The following PRDX3 variants were observed in gnomAD, a reference collection of about 807,000 sequenced individuals.
PRDX3 encodes thioredoxin-dependent peroxide reductase, mitochondrial.
Under a neutral mutation model 30.4 loss-of-function variants are expected in PRDX3, and 20 were observed. That is an observed-to-expected ratio of 0.66 (90% confidence interval 0.46 to 0.96). The LOEUF (loss-of-function observed/expected upper bound fraction) is 0.96. PRDX3 is among the 40% of genes least tolerant of loss of function. PRDX3 has a pLI of 0.00. For missense variants in PRDX3, 322 were observed against 318.3 expected, an observed-to-expected ratio of 1.01 and a Z score of -0.09; for synonymous variants, 124 against 117.8, an observed-to-expected ratio of 1.05 and a Z score of -0.34.
rs372470152 is a variant in PRDX3 at position 119,178,771 on chromosome 10, C to A, written c.20G>T (p.Arg7Leu). The change falls in exon 1 of 7, where the codon CGG (arginine) becomes CTG (leucine). Residue 7 changes from arginine to leucine, a missense_variant. Transcript: ENST00000298510. ...GCCACTCACCGACGCTCGGAGCAAC[C>A]GTCCTACAGCAGCCGCCATCTTCAG... MAAAVGRLLRASVARHV... is the reference protein window; with the variant it reads MAAAVGLLLRASVARHV... 2.6e-6 allele frequency: 4 copies of A among 1,552,920 alleles called. No homozygotes were observed. Among genetic ancestry groups the A allele is most frequent in the Non-Finnish European group, 3.5e-6 (4 of 1,148,254 alleles).
In PRDX3 at chr10:119,173,806, GT is replaced by G; in HGVS notation, c.377del (p.Asn126ThrfsTer19). 6.2e-7 allele frequency: 1 copy of G among 1,612,578 alleles called. No homozygotes were observed. Among genetic ancestry groups the G allele is most frequent in the South Asian group, 1.1e-5 (1 of 91,004 alleles). Reference protein sequence around the residue: ...SDKANEFHDVNCEVVAVSVDS... With the variant: ...SDKANEFHDVXCEVVAVSVDS... ...CCACTGAGACTGCGACAACTTCACA[GT>G]TCACGTCGTGAAATTCGTTAGCTTT... On this transcript the variant is annotated frameshift_variant, in exon 4 of 7. Transcript: ENST00000298510. LOFTEE classifies it high-confidence loss of function.
intron 4 of PRDX3, 30 bp from the exon 5 acceptor site, chr10:119,172,515 A>G (rs1490780003): frequency 6.4e-7 from 1 of 1,558,616 alleles, no homozygotes; most frequent in African/African-American, 1.4e-5. Flanking sequence ...GACTGTTAGA[A>G]TGTGTGGCCT....
intron 2 of PRDX3, among the ~76,000 whole-genome samples, chr10:119,175,400 G>T (rs1453418546): frequency 6.6e-6 from 1 of 152,168 alleles, no homozygotes; most frequent in Non-Finnish European, 1.5e-5. Context: ...TAGCAGGAAA[G>T]ATAACAGAGT....
At chr10:119,174,088 A>G (rs1484124103) in intron 3 of PRDX3, among the ~76,000 whole-genome samples, 6 of 152,194 alleles carry the variant, frequency 3.9e-5, no homozygotes, top group Non-Finnish European at 8.8e-5. Flanking sequence ...AAGGGAACAC[A>G]TATTTTAAGA....
In PRDX3 at chr10:119,174,356, T is replaced by C. The variant is rs150080209; in HGVS notation, c.311+95A>G. 8.2e-5 allele frequency: 114 copies of C among 1,392,020 alleles called. No individual in the cohort carries two copies. The African/African-American group carries it at 1.5e-3, about 18-fold the overall frequency. The allele number at this position is 1,392,020 out of a possible 1,614,324, so 86.2% of individuals were successfully genotyped here. A position where few individuals can be genotyped will look rare whatever the true frequency, so the allele number is the denominator to read the frequency against. ...AAAGGGTCAGAAAGAATCCTTCCTTTCACAAGGGTATCTAGGGATAGACAA... is the reference window on the plus strand; with the variant it reads ...AAAGGGTCAGAAAGAATCCTTCCTTCCACAAGGGTATCTAGGGATAGACAA... On this transcript the variant is annotated intron_variant, in intron 3 of 6. Transcript: ENST00000298510.
intron 1 of PRDX3, 118 bp downstream of exon 1, chr10:119,178,637 G>A: frequency 7.7e-7 from 1 of 1,304,664 alleles, no homozygotes; most frequent in South Asian, 1.3e-5. Context: ...GTTACCCGCG[G>A]AAACCCTCCA....
intron 4 of PRDX3, among the ~76,000 whole-genome samples, 156 bp downstream of exon 4, chr10:119,173,581 C>T (rs1847960173): frequency 6.6e-6 from 1 of 151,532 alleles, no homozygotes; most frequent in South Asian, 2.1e-4. Flanking sequence ...TGCACTCCAG[C>T]CTGGGCAACA....
At chr10:119,177,190 G>C in intron 1 of PRDX3, 37 bp from the exon 2 acceptor site, 1 of 1,606,558 alleles carries the variant, frequency 6.2e-7, no homozygotes, top group Non-Finnish European at 8.5e-7. Context: ...AGTTTTCCTG[G>C]ACTGGTGACT....
rs757364907 is a variant in PRDX3 at position 119,169,257 on chromosome 10, G to A, written c.637C>T (p.Leu213Phe). 1.4e-5 allele frequency: 22 copies of A among 1,613,748 alleles called. No individual in the cohort carries two copies. Among genetic ancestry groups the A allele is most frequent in the South Asian group, 1.2e-4 (11 of 91,070 alleles). The change falls in exon 6 of 7, where the codon CTC (leucine) becomes TTC (phenylalanine). Residue 213 changes from leucine to phenylalanine, a missense_variant. Leu to Phe is a conservative substitution (Grantham distance 22, BLOSUM62 0). Transcript: ENST00000298510. The part of the protein sequence containing the change: ...LPVGRSVEET[L>F]RLVKAFQYVE... ...TACTGGAACGCCTTCACCAAGCGGA[G>A]GGTTTCTTCCACGCTTCGGCCCACT...
intron 5 of PRDX3, chr10:119,170,800 C>G (rs1005136529): frequency 2.0e-5 from 3 of 150,702 alleles, no homozygotes; most frequent in African/African-American, 7.3e-5. Flanking sequence ...GAGGCTGAGG[C>G]AGGAGAACTG....
chr10:119,171,924 G>A (rs1197785597), intron 5 of PRDX3, among the ~76,000 whole-genome samples: 1 of 152,168 alleles, frequency 6.6e-6, no homozygotes, highest in Non-Finnish European at 1.5e-5. Context: ...TCAATGTCAG[G>A]TGTGTGTCCC....
Position 119,167,828 on chromosome 10 carries a change from C to T in PRDX3, c.*652G>A, listed in dbSNP as rs904361721. 4 of 152,102 alleles carry T rather than the reference C, an allele frequency of 2.6e-5. No homozygotes were observed. Among genetic ancestry groups the T allele is most frequent in the Admixed American group, 6.5e-5 (1 of 15,278 alleles). 9.4% of individuals were successfully genotyped at this position (152,102 alleles called of 1,614,324 possible). A position where few individuals can be genotyped will look rare whatever the true frequency, so the allele number is the denominator to read the frequency against. On this transcript the variant is annotated 3_prime_UTR_variant, in exon 7 of 7. Transcript: ENST00000298510. Reference sequence around the variant, plus strand: ...GGATTTGATAAATATCCTTTATAATCGATTACACTAATCAATATCTAGAAA... The same window carrying T: ...GGATTTGATAAATATCCTTTATAATTGATTACACTAATCAATATCTAGAAA...
At chr10:119,173,308 T>TA (rs200887547) in intron 4 of PRDX3, among the ~76,000 whole-genome samples, 2,155 of 151,830 alleles carry the variant, frequency 0.014, 26 homozygotes, top group Non-Finnish European at 0.015. Context: ...AGAGTAATAA[T>TA]AAAAAAAATA....
rs769666606 is a variant in PRDX3, at chr10:119,173,838, TA to T, written c.345del (p.Phe115LeufsTer11). 1.2e-6 allele frequency: 2 copies of T among 1,611,424 alleles called. No homozygotes were observed. The highest frequency in any genetic ancestry group is 1.7e-5 in the Admixed American group (1 of 59,884). On this transcript the variant is annotated frameshift_variant, in exon 4 of 7. Transcript: ENST00000298510. LOFTEE classifies it high-confidence loss of function. ...TFVCPTEIVA[F>X]SDKANEFHDV... is the part of the protein sequence containing the mutation. ...TCGTGAAATTCGTTAGCTTTGTCAC[TA>T]AAAGCAACAATTTCTGTAGGACACA...
intron 5 of PRDX3, chr10:119,171,065 G>C (rs1449536480): frequency 1.9e-5 from 3 of 154,944 alleles, no homozygotes; most frequent in Non-Finnish European, 4.2e-5. Flanking sequence ...TTTTGAGACA[G>C]AGTCTTGCTC....
At chr10:119,176,389 C>G (rs895856635) in intron 2 of PRDX3, among the ~76,000 whole-genome samples, 1 of 152,174 alleles carries the variant, frequency 6.6e-6, no homozygotes, top group African/African-American at 2.4e-5. Flanking sequence ...TGCCCACAAA[C>G]AAAGGCTTTA....
At chr10:119,168,648 C>CAAA in intron 6 of PRDX3, 115 bp from the exon 7 acceptor site, 1 of 1,497,836 alleles carries the variant, frequency 6.7e-7, no homozygotes, top group Non-Finnish European at 8.8e-7. Context: ...TTAAAGATTT[C>CAAA]CTTTAAAACA....
chr10:119,169,241 G>T lies in PRDX3; in HGVS notation c.653C>A (p.Ala218Glu). The part of the protein sequence containing the change: ...SVEETLRLVK[A>E]FQYVETHGEV... The stretch of plus-strand genomic sequence containing the variant: ...TCCATGTGTTTCTACATACTGGAAC[G>T]CCTTCACCAAGCGGAGGGTTTCTTC... The change falls in exon 6 of 7, where the codon GCG becomes GAG. Residue 218 changes from alanine to glutamate, a missense_variant. Ala to Glu is a moderately radical substitution (Grantham distance 107). Coordinates refer to ENST00000298510, the MANE Select transcript of PRDX3 (RefSeq NM_006793.5). 1 of 1,613,474 alleles carries T rather than the reference G, an allele frequency of 6.2e-7. No individual in the cohort carries two copies. The highest frequency in any genetic ancestry group is 8.5e-7 in the Non-Finnish European group (1 of 1,180,000).
chr10:119,178,683 G>A (rs1848105795), intron 1 of PRDX3, 72 bp downstream of exon 1: 2 of 1,515,314 alleles, frequency 1.3e-6, no homozygotes, highest in East Asian at 2.5e-5. Flanking sequence ...AGAAGCGCGG[G>A]GTCCTGTCTG....
Sources: allele counts gnomAD v4.1 joint callset (sites outside exome capture counted in the v4.1 genomes callset), GRCh38; gene constraint gnomAD v4.1.1; transcripts MANE v1.5; gene names NCBI Gene and HGNC (gene_info 2026-07-23, HGNC 2026-07-21).